TANC1: variants seen among roughly 807,000 people sequenced by gnomAD.
The protein encoded by TANC1 is tetratricopeptide repeat, ankyrin repeat and coiled-coil containing 1.
TANC1 carries 77 observed loss-of-function variants against 149.7 expected under a neutral mutation model. That is an observed-to-expected ratio of 0.51 (90% confidence interval 0.43 to 0.62). The LOEUF (loss-of-function observed/expected upper bound fraction) is 0.62. Ranked by LOEUF, TANC1 falls within the 20% of genes least tolerant of loss-of-function variation. The pLI is 0.00. For missense variants in TANC1, 1,985 were observed against 2,321.8 expected (o/e 0.85, Z 2.98); for synonymous variants, 854 against 925.0 (o/e 0.92, Z 1.39).
At chr2:159,094,782 G>T (rs71338838) in intron 3 of TANC1, among the ~76,000 whole-genome samples, 78,694 of 137,030 alleles carry the variant, frequency 0.57, 22,873 homozygotes, top group Non-Finnish European at 0.66. Flanking sequence ...TGTGGGGGGG[G>T]GGTGGGGGCC....
chr2:159,126,521 T>C (rs574423394), intron 4 of TANC1, among the ~76,000 whole-genome samples: 16 of 152,298 alleles, frequency 1.1e-4, no homozygotes, highest in African/African-American at 3.4e-4. Context: ...ATTAACAAAG[T>C]CAGTAATTTA....
chr2:159,125,130 C>G (rs970690522), intron 4 of TANC1, among the ~76,000 whole-genome samples: 7 of 151,938 alleles, frequency 4.6e-5, no homozygotes, highest in African/African-American at 1.7e-4. Context: ...GAGCTCACAA[C>G]CAGGCATGAA....
At chr2:159,007,133 A>G (rs1245440610) in intron 2 of TANC1, among the ~76,000 whole-genome samples, 1 of 144,650 alleles carries the variant, frequency 6.9e-6, no homozygotes, top group Non-Finnish European at 1.5e-5. Flanking sequence ...TTTATCTTTA[A>G]TACTGTTTTT....
intron 1 of TANC1, among the ~76,000 whole-genome samples, chr2:158,981,047 C>CT (rs1378952525): frequency 6.6e-6 from 1 of 152,034 alleles, no homozygotes; most frequent in African/African-American, 2.4e-5. Context: ...GAGGCTAGGT[C>CT]TAAAAGCAAG....
At chr2:159,004,403 C>T (rs1457368772) in intron 2 of TANC1, 30 of 1,023,128 alleles carry the variant, frequency 2.9e-5, no homozygotes, top group Non-Finnish European at 4.0e-5. Flanking sequence ...ACACAGAGAA[C>T]ATCACCTGTT....
At chr2:159,156,345 T>C (rs2150356821) in intron 7 of TANC1, among the ~76,000 whole-genome samples, 1 of 152,316 alleles carries the variant, frequency 6.6e-6, no homozygotes, top group African/African-American at 2.4e-5. Context: ...GGTAATATGC[T>C]TAATGTGGGA....
intron 16 of TANC1, among the ~76,000 whole-genome samples, chr2:159,188,383 A>G (rs2057177865): frequency 1.3e-5 from 2 of 152,254 alleles, no homozygotes; most frequent in Non-Finnish European, 2.9e-5. Context: ...TTGCAGTGGC[A>G]TGCCAGCAGT....
chr2:159,227,814 C>G lies in TANC1; in HGVS notation c.3904-5C>G. ...GGACAAATGTTTGTGATTTTTGAATCCTAGAAAGGGAAAATGAAAGAGGCA... is the reference window on the plus strand; with the variant it reads ...GGACAAATGTTTGTGATTTTTGAATGCTAGAAAGGGAAAATGAAAGAGGCA... On this transcript the variant is annotated splice_region_variant and splice_polypyrimidine_tract_variant and intron_variant, in intron 24 of 26. Coordinates refer to ENST00000263635, the MANE Select transcript of TANC1 (RefSeq NM_033394.3). 1 of 1,612,660 alleles carries G rather than the reference C, an allele frequency of 6.2e-7. No homozygotes were observed. The highest frequency in any genetic ancestry group is 8.5e-7 in the Non-Finnish European group (1 of 1,179,648).
Position 159,179,081 on chromosome 2 carries a change from C to T in TANC1, c.2428C>T (p.Arg810Cys), listed in dbSNP as rs1346950867. ...CCTCATTAAGAGGCGAGACAAAACC[C>T]GCATGTTCTGCCACCCGTCCTTCAG... ...CFLIKRRDKT[R>C]MFCHPSFREW... is the part of the protein sequence containing the mutation. The change falls in exon 14 of 27, where the codon CGC (arginine) becomes TGC (cysteine). Residue 810 changes from arginine to cysteine, a missense_variant. By Grantham distance (180) the Arg-to-Cys change is radical (BLOSUM62 -3). This residue lies in a region of TANC1 where 508 missense variants were observed against 714.2 expected (regional missense o/e 0.71). Coordinates refer to ENST00000263635, the MANE Select transcript of TANC1 (RefSeq NM_033394.3). 5.0e-6 allele frequency: 8 copies of T among 1,613,702 alleles called. No individual in the cohort carries two copies. The highest frequency in any genetic ancestry group is 1.6e-4 in the Middle Eastern group (1 of 6,084).
At chr2:159,074,416 AG>A (rs2149745770) in intron 3 of TANC1, among the ~76,000 whole-genome samples, 1 of 152,180 alleles carries the variant, frequency 6.6e-6, no homozygotes, top group Admixed American at 6.5e-5. Flanking sequence ...TAGTGGTTTG[AG>A]ATCTTGTCTG....
At chr2:159,169,568 A>G (rs911639873) in intron 9 of TANC1, among the ~76,000 whole-genome samples, 196 bp downstream of exon 9, 1 of 152,198 alleles carries the variant, frequency 6.6e-6, no homozygotes, top group African/African-American at 2.4e-5. Flanking sequence ...AAAATATGTG[A>G]TTAACTTGCT....
chr2:158,978,701 G>T (rs892445464), intron 1 of TANC1, among the ~76,000 whole-genome samples: 2 of 152,156 alleles, frequency 1.3e-5, no homozygotes, highest in African/African-American at 4.8e-5. Flanking sequence ...GAGGTGATGG[G>T]CTCTGTAGTG....
At chr2:159,163,239 G>A (rs772919844) in intron 7 of TANC1, 44 bp from the exon 8 acceptor site, 3 of 1,587,582 alleles carry the variant, frequency 1.9e-6, no homozygotes, top group Non-Finnish European at 2.6e-6. Flanking sequence ...TTCAGCCCCA[G>A]CTGTGCCTGG....
chr2:159,141,939 TC>T (rs545115455), intron 5 of TANC1, among the ~76,000 whole-genome samples: 1 of 152,024 alleles, frequency 6.6e-6, no homozygotes, highest in Non-Finnish European at 1.5e-5. Context: ...AGGCCGTAGA[TC>T]TACAGGAAAA....
chr2:159,067,351 A>G (rs1353090107), intron 3 of TANC1, among the ~76,000 whole-genome samples: 1 of 152,204 alleles, frequency 6.6e-6, no homozygotes, highest in Non-Finnish European at 1.5e-5. Context: ...CTTCTCATCA[A>G]TGCCTGGGTG....
At chr2:159,197,427 A>C (rs1204689745) in intron 18 of TANC1, among the ~76,000 whole-genome samples, 1 of 152,022 alleles carries the variant, frequency 6.6e-6, no homozygotes, top group Non-Finnish European at 1.5e-5. Flanking sequence ...TGTATTTCTT[A>C]CTCTGAATTA....
chr2:158,994,857 A>G (rs1376324110), intron 1 of TANC1, among the ~76,000 whole-genome samples: 1 of 152,232 alleles, frequency 6.6e-6, no homozygotes, highest in Non-Finnish European at 1.5e-5. Context: ...CAAAATAACT[A>G]CTGTTTGGAG....
At chr2:159,206,473 C>T (rs1167242704) in intron 19 of TANC1, among the ~76,000 whole-genome samples, 1 of 152,166 alleles carries the variant, frequency 6.6e-6, no homozygotes, top group Non-Finnish European at 1.5e-5. Flanking sequence ...GGCTGAGTGG[C>T]CAGCAGTGAG....
intron 19 of TANC1, among the ~76,000 whole-genome samples, chr2:159,208,115 T>G (rs1404780442): frequency 1.3e-5 from 2 of 152,188 alleles, no homozygotes; most frequent in Non-Finnish European, 2.9e-5. Context: ...GTTCAAAAGG[T>G]TCTTAACAAG....
Sources: allele counts gnomAD v4.1 joint callset (sites outside exome capture counted in the v4.1 genomes callset), GRCh38; gene constraint gnomAD v4.1.1; regional missense constraint gnomAD v4.1.1; transcripts MANE v1.5; gene names NCBI Gene and HGNC (gene_info 2026-07-23, HGNC 2026-07-21).